Variants in CYRIB observed in about 807,000 individuals in gnomAD.
The protein encoded by CYRIB is CYFIP related Rac1 interactor B, also known as CYFIP-related Rac1 interactor B.
A neutral mutation model predicts 44.2 loss-of-function variants in CYRIB; 8 were observed. The ratio of observed to expected loss-of-function variants is 0.18; its 90% CI spans 0.11 to 0.33. CYRIB has a LOEUF of 0.33. CYRIB is among the 10% of genes least tolerant of loss of function. CYRIB has a pLI of 1.00. For missense variants in CYRIB, 185 were observed against 382.8 expected (o/e 0.48, Z 4.31); for synonymous variants, 131 against 127.2 (o/e 1.03, Z -0.20).
At chr8:129,958,543 A>C (rs540459443) in intron 2 of CYRIB, among the ~76,000 whole-genome samples, 1 of 152,308 alleles carries the variant, frequency 6.6e-6, no homozygotes, top group East Asian at 1.9e-4. Flanking sequence ...CATTGTATAC[A>C]ATTACATAAT....
rs2037817327 is a variant in CYRIB at position 129,843,541 on chromosome 8, A to G, written c.912-1336T>C. Among the ~76,000 whole-genome samples, 7 of 152,226 alleles carry G rather than the reference A, an allele frequency of 4.6e-5. No homozygotes were observed. In the South Asian group the frequency reaches 1.4e-3, roughly 31 times the overall value. On this transcript the variant is annotated intron_variant, in intron 11 of 11. Coordinates refer to ENST00000519824, the Ensembl canonical transcript of CYRIB. ...TAACCCAGACAGAGAAATCTGGTTC[A>G]CAAGAATTCCACATATAATCTTAAG...
chr8:129,884,164 T>G (rs2061825355), intron 2 of CYRIB, among the ~76,000 whole-genome samples: 3 of 152,198 alleles, frequency 2.0e-5, no homozygotes, highest in Admixed American at 2.0e-4. Context: ...GGTTTTAAGA[T>G]ACCCTAGTTT....
intron 1 of CYRIB, among the ~76,000 whole-genome samples, chr8:130,011,197 G>A (rs1046193365): frequency 6.6e-6 from 1 of 152,050 alleles, no homozygotes; most frequent in Non-Finnish European, 1.5e-5. Flanking sequence ...GGCCCTCTCC[G>A]ACCCTCAAGG....
intron 1 of CYRIB, among the ~76,000 whole-genome samples, chr8:129,987,549 T>C (rs966021964): frequency 1.4e-5 from 2 of 144,134 alleles, no homozygotes; most frequent in African/African-American, 5.4e-5. Flanking sequence ...TCTTTTCTTT[T>C]TCTTGTCTTT....
chr8:129,971,658 G>A (rs1279613831), intron 1 of CYRIB, among the ~76,000 whole-genome samples: 2 of 152,118 alleles, frequency 1.3e-5, no homozygotes, highest in African/African-American at 4.8e-5. Context: ...AAAGGATATT[G>A]GGACCCTTGG....
At chr8:129,874,632 A>C (rs10108374) in intron 3 of CYRIB, among the ~76,000 whole-genome samples, 2,352 of 152,232 alleles carry the variant, frequency 0.015, 51 homozygotes, top group African/African-American at 0.05. Context: ...ATACATTTTG[A>C]ATGAATGAGA....
intron 1 of CYRIB, among the ~76,000 whole-genome samples, chr8:129,926,681 G>C (rs1466119661): frequency 6.6e-6 from 1 of 152,182 alleles, no homozygotes; most frequent in Non-Finnish European, 1.5e-5. Context: ...GCTGGATCCT[G>C]AGATATTTTC....
intron 11 of CYRIB, among the ~76,000 whole-genome samples, chr8:129,845,838 G>T (rs2039649885): frequency 1.3e-5 from 2 of 152,270 alleles, no homozygotes; most frequent in South Asian, 4.1e-4. Context: ...AAAGTATCGA[G>T]ATTTTCATTT....
chr8:129,871,266 T>C, intron 4 of CYRIB, 109 bp downstream of exon 6: 1 of 1,291,060 alleles, frequency 7.7e-7, no homozygotes, highest in East Asian at 2.7e-5. Context: ...ATCCTTCAAA[T>C]ATAATACTTA....
intron 3 of CYRIB, among the ~76,000 whole-genome samples, chr8:129,875,001 T>C (rs528431287): frequency 3.9e-5 from 6 of 152,284 alleles, no homozygotes; most frequent in Admixed American, 3.9e-4. Context: ...TACTCTCCTA[T>C]TTTGATTTCC....
In CYRIB at chr8:129,997,138, A is replaced by G. The variant is rs1298827901; in HGVS notation, c.-296+19232T>C. Among the ~76,000 whole-genome samples the G allele has an allele frequency of 7.5e-5, 11 of 146,434 alleles. No individual in the cohort carries two copies. In the East Asian group the frequency reaches 2.2e-3, roughly 29 times the overall value. Reference sequence around the variant, plus strand: ...GGAAGGAAGGAGGAGGAGGAGGAGGAGGGAGGAAAGGAGGGAGAGGGAATA... The same window carrying G: ...GGAAGGAAGGAGGAGGAGGAGGAGGGGGGAGGAAAGGAGGGAGAGGGAATA... On this transcript the variant is annotated intron_variant, in intron 1 of 14. Transcript: ENST00000401979.
intron 1 of CYRIB, among the ~76,000 whole-genome samples, chr8:130,007,099 A>T (rs2097119760): frequency 6.6e-6 from 1 of 152,210 alleles, no homozygotes; most frequent in Non-Finnish European, 1.5e-5. Context: ...CATTAGCTCA[A>T]GTAATCTACT....
At chr8:129,876,183 ATGAGC>A (rs1159570873) in intron 3 of CYRIB, among the ~76,000 whole-genome samples, 1 of 151,950 alleles carries the variant, frequency 6.6e-6, no homozygotes, top group East Asian at 1.9e-4. Context: ...TAGTATCTTC[ATGAGC>A]TACACGTTGA....
At chr8:129,909,127 CAGA>C (rs1447167227) in intron 1 of CYRIB, among the ~76,000 whole-genome samples, 1 of 152,030 alleles carries the variant, frequency 6.6e-6, no homozygotes, top group African/African-American at 2.4e-5. Context: ...ACCCATGCTC[CAGA>C]AGATTTGAAA....
upstream of CYRIB, among the ~76,000 whole-genome samples, chr8:129,944,585 C>G (rs2094006193): frequency 1.3e-5 from 2 of 152,092 alleles, no homozygotes; most frequent in Non-Finnish European, 2.9e-5. Flanking sequence ...GAGTTCGAGA[C>G]CAGCCTGGCC....
At chr8:129,923,338 A>G (rs1403277179) in intron 1 of CYRIB, among the ~76,000 whole-genome samples, 2 of 151,308 alleles carry the variant, frequency 1.3e-5, no homozygotes, top group African/African-American at 4.9e-5. Flanking sequence ...GCAATGGTAC[A>G]ATCTCGGCTC....
At chr8:129,939,504 G>C (rs1225402163) in intron 1 of CYRIB, 2 of 151,962 alleles carry the variant, frequency 1.3e-5, no homozygotes, top group African/African-American at 4.8e-5. Flanking sequence ...CCCCGCGCCA[G>C]CGCGGGCCCC....
intron 1 of CYRIB, among the ~76,000 whole-genome samples, chr8:130,010,189 CT>C (rs1403706014): frequency 6.6e-6 from 1 of 152,208 alleles, no homozygotes; most frequent in African/African-American, 2.4e-5. Flanking sequence ...ATTGGGCCTT[CT>C]TTTTCACTGT....
intron 4 of CYRIB, 89 bp from the exon 7 acceptor site, chr8:129,862,423 G>A (rs1464174830): frequency 2.5e-5 from 25 of 1,003,786 alleles, no homozygotes; most frequent in Non-Finnish European, 3.5e-5. Flanking sequence ...GCAAACATAG[G>A]AAACACTGGT....
Sources: allele counts gnomAD v4.1 joint callset (sites outside exome capture counted in the v4.1 genomes callset), GRCh38; gene constraint gnomAD v4.1.1; transcripts MANE v1.5; gene names NCBI Gene and HGNC (gene_info 2026-07-23, HGNC 2026-07-21).